GRK6: variants seen among roughly 807,000 people sequenced by gnomAD.
GRK6 encodes G protein-coupled receptor kinase 6.
Under a neutral mutation model 80.8 loss-of-function variants are expected in GRK6, and 37 were observed. That is an observed-to-expected ratio of 0.46 (90% CI 0.35 to 0.60). The LOEUF is 0.60. GRK6 is among the 20% of genes least tolerant of loss of function. The pLI, the probability that GRK6 is intolerant of heterozygous loss-of-function variation, is 0.00. For synonymous variants in GRK6, 295 were observed against 320.9 expected (o/e 0.92, Z 0.86); for missense variants, 560 against 784.6 (o/e 0.71, Z 3.42).
intron 13 of GRK6, among the ~76,000 whole-genome samples, chr5:177,438,038 G>C (rs1488877739): frequency 6.6e-6 from 1 of 152,198 alleles, no homozygotes; most frequent in East Asian, 1.9e-4. Flanking sequence ...CCGTAAGCCA[G>C]AAGGAATTCC....
chr5:177,432,404 C>T (rs1438000304), intron 4 of GRK6, 94 bp downstream of exon 4: 4 of 1,230,018 alleles, frequency 3.3e-6, no homozygotes, highest in Admixed American at 3.6e-5. Context: ...AGGGTGGTCT[C>T]TTCATACAGA....
At chr5:177,427,511 T>G (rs1018614583) in intron 1 of GRK6, among the ~76,000 whole-genome samples, 2 of 152,186 alleles carry the variant, frequency 1.3e-5, no homozygotes, top group African/African-American at 4.8e-5. Flanking sequence ...AGCATGCTGC[T>G]CTGTCAGTAT....
At chr5:177,430,686 CAGG>C in intron 1 of GRK6, 183 bp from the exon 2 acceptor site, 1 of 603,510 alleles carries the variant, frequency 1.7e-6, no homozygotes, top group Non-Finnish European at 3.0e-6. Flanking sequence ...GAGCCTGAAG[CAGG>C]AGAAGCACGT....
chr5:177,432,780 C>G lies in GRK6; in HGVS notation c.414C>G (p.Cys138Trp), dbSNP rs1464617742. The G allele has an allele frequency of 6.2e-7, 1 of 1,612,172 alleles. No individual in the cohort carries two copies. The highest frequency in any genetic ancestry group is 1.3e-5 in the African/African-American group (1 of 74,914). The stretch of plus-strand genomic sequence containing the variant: ...CCCAGCGGCTGGAGCAGGGTCCCTG[C>G]AAAGACCTTTTCCAGGAACTCACCC... ...NCTQRLEQGP[C>W]KDLFQELTRL... is the part of the protein sequence containing the mutation. The change falls in exon 5 of 16, where the codon TGC becomes TGG. Residue 138 changes from cysteine to tryptophan, a missense_variant. Cys to Trp is a radical substitution (Grantham distance 215, BLOSUM62 -2). Around this residue, in one of 3 missense-constraint regions of GRK6, gnomAD observed 189 missense variants for 230.2 expected, o/e 0.82. Coordinates refer to ENST00000355472, the MANE Select transcript of GRK6 (RefSeq NM_001004106.3).
intron 1 of GRK6, 45 bp downstream of exon 1, chr5:177,426,942 G>T: frequency 8.0e-7 from 1 of 1,255,124 alleles, no homozygotes; most frequent in South Asian, 2.2e-5. Context: ...CGTGGAGCGC[G>T]AGTGCGCTGC....
rs531213366 is a variant in GRK6 at position 177,429,552 on chromosome 5, A to C, written c.53-1320A>C. 6.6e-6 allele frequency among the ~76,000 whole-genome samples: 1 copy of C among 152,266 alleles called. No individual in the cohort carries two copies. The highest frequency in any genetic ancestry group is 6.5e-5 in the Admixed American group (1 of 15,300). On this transcript the variant is annotated intron_variant, in intron 1 of 15. Transcript: ENST00000355472. The surrounding 1 kb of genome is among the most constrained non-coding windows in gnomAD (Gnocchi z 4.3). ...AGCAATGACTGCAGGGCATGTTCGCAGGAGGCCTCTAGCAAGTTTCTCAAT... is the reference window on the plus strand; with the variant it reads ...AGCAATGACTGCAGGGCATGTTCGCCGGAGGCCTCTAGCAAGTTTCTCAAT...
In GRK6 at chr5:177,431,998, G is replaced by A. The variant is rs370990784; in HGVS notation, c.152G>A (p.Arg51His). 13 of 1,613,076 alleles carry A rather than the reference G, an allele frequency of 8.1e-6. No individual in the cohort carries two copies. In the East Asian group the frequency reaches 8.9e-5, roughly 11 times the overall value. The stretch of plus-strand genomic sequence containing the variant: ...CAGCTTCCATCACTGCCAACAGAGC[G>A]TGACTATCACAGCCTGTGCGAGCGG... Reference protein sequence around the residue: ...QCEELRLSLERDYHSLCERQP... With the variant: ...QCEELRLSLEHDYHSLCERQP... Residue 51 changes from arginine (R) to histidine (H), a missense_variant, in exon 3 of 16, where the codon CGT becomes CAT. Arg to His is a conservative substitution (Grantham distance 29). Transcript: ENST00000355472.
At chr5:177,431,470 A>C (rs1763883444) in intron 2 of GRK6, among the ~76,000 whole-genome samples, 1 of 152,224 alleles carries the variant, frequency 6.6e-6, no homozygotes, top group African/African-American at 2.4e-5. Flanking sequence ...AATCTTGGCC[A>C]AGGCCCCAGG....
At chr5:177,435,996 G>C in intron 11 of GRK6, 77 bp from the exon 12 acceptor site, 1 of 1,259,870 alleles carries the variant, frequency 7.9e-7, no homozygotes, top group South Asian at 1.3e-5. Context: ...CAGACCTAAC[G>C]TGCACTGGCG....
At position 177,434,006 on chromosome 5, in the gene GRK6, C is replaced by T; in HGVS notation, c.831C>T (p.His277=). The change falls in exon 9 of 16, where the codon CAC becomes CAT. Residue 277 remains histidine (H), a synonymous_variant. Transcript: ENST00000355472. ...NGGDLKFHIY[H]MGQAGFPEAR... ...GCGACCTCAAGTTCCACATCTACCA[C>T]ATGGGCCAGGCTGGCTTCCCCGAAG... 1.2e-6 allele frequency: 2 copies of T among 1,613,182 alleles called. No individual in the cohort carries two copies. The highest frequency in any genetic ancestry group is 1.7e-5 in the Admixed American group (1 of 59,946).
Position 177,426,842 on chromosome 5 carries a change from G to A in GRK6, c.-4G>A. On this transcript the variant is annotated 5_prime_UTR_variant, in exon 1 of 16. Transcript: ENST00000355472. ...GCCCGGCGGGCCAGGCGGCGCCACA[G>A]CCCATGGAGCTCGAGAACATCGTAG... The A allele has an allele frequency of 7.7e-7, 1 of 1,305,328 alleles. No individual in the cohort carries two copies. Among genetic ancestry groups the A allele is most frequent in the African/African-American group, 1.5e-5 (1 of 66,070 alleles). 80.9% of individuals were successfully genotyped at this position (1,305,328 alleles called of 1,614,324 possible). A position where few individuals can be genotyped will look rare whatever the true frequency, so the allele number is the denominator to read the frequency against.
Position 177,434,935 on chromosome 5 carries a change from C to A in GRK6, c.963C>A (p.Asp321Glu). ...DLKPENILLD[D>E]HGHIRISDLG... is the part of the protein sequence containing the mutation. ...AGCCCGAGAACATCTTGCTGGATGA[C>A]CACGGTGTGTAAGGGTGCCTGGGGT... The change falls in exon 10 of 16, where the codon GAC becomes GAA. Residue 321 changes from aspartate to glutamate, a missense_variant. Physicochemically the swap from Asp to Glu is conservative, Grantham distance 45 (BLOSUM62 2). This residue lies in a region of GRK6 where 294 missense variants were observed against 397.4 expected (regional missense o/e 0.74). Coordinates refer to ENST00000355472, the MANE Select transcript of GRK6 (RefSeq NM_001004106.3). 6.2e-7 allele frequency: 1 copy of A among 1,613,834 alleles called. No homozygotes were observed. Among genetic ancestry groups the A allele is most frequent in the Non-Finnish European group, 8.5e-7 (1 of 1,179,912 alleles).
rs1764520927 is a variant in GRK6, at chr5:177,441,769, A to G, written c.1710A>G (p.Glu570=). 6.2e-7 allele frequency: 1 copy of G among 1,612,510 alleles called. No individual in the cohort carries two copies. The highest frequency in any genetic ancestry group is 1.3e-5 in the African/African-American group (1 of 75,034). ...GTGGAAACTGCAGCGACAGCGAGGA[A>G]GAGCTCCCCACCCGCCTCTAGCCCC... ...DCCGNCSDSE[E]ELPTRL is the part of the protein sequence containing the mutation. The change falls in exon 16 of 16, where the codon GAA becomes GAG. Residue 570 remains glutamate, a synonymous_variant. Coordinates refer to ENST00000355472, the MANE Select transcript of GRK6 (RefSeq NM_001004106.3).
chr5:177,439,953 T>G (rs891382516), intron 13 of GRK6: 6 of 152,298 alleles, frequency 3.9e-5, no homozygotes, highest in Non-Finnish European at 8.8e-5. Flanking sequence ...GTTCCCACTT[T>G]TTGGCTGTTA....
Position 177,440,900 on chromosome 5 carries a change from G to GT in GRK6, c.1543-19_1543-18insT, listed in dbSNP as rs1198283646. 6.2e-7 allele frequency: 1 copy of GT among 1,613,876 alleles called. No homozygotes were observed. The highest frequency in any genetic ancestry group is 1.7e-5 in the Admixed American group (1 of 60,028). ...GGCTGCCCTGGGGACAGCTGTCACA[G>GT]CCGCCTGCTCCTCAGCAGATGGTGG... is the stretch of plus-strand genomic sequence containing the variant. On this transcript the variant is annotated intron_variant, in intron 14 of 15. Coordinates refer to ENST00000355472, the MANE Select transcript of GRK6 (RefSeq NM_001004106.3).
rs754801171 is a variant in GRK6 at position 177,433,905 on chromosome 5, C to T, written c.739-9C>T. 25 of 1,550,698 alleles carry T rather than the reference C, an allele frequency of 1.6e-5. No individual in the cohort carries two copies. The South Asian group carries it at 1.8e-4, about 11-fold the overall frequency. ...TCCTGCCTGAGGGCTCGGGTCCCCT[C>T]GGCCACAGGTGAGCTTGGCCTACGC... On this transcript the variant is annotated splice_polypyrimidine_tract_variant and intron_variant, in intron 8 of 15. Transcript: ENST00000355472.
At chr5:177,426,159 G>A (rs1763650735), upstream of GRK6, among the ~76,000 whole-genome samples, 1 of 152,320 alleles carries the variant, frequency 6.6e-6, no homozygotes, top group South Asian at 2.1e-4. Flanking sequence ...AGGGAATACG[G>A]CCACACAAGT....
chr5:177,431,540 C>T (rs927378453), intron 2 of GRK6, among the ~76,000 whole-genome samples: 2 of 152,228 alleles, frequency 1.3e-5, no homozygotes, highest in Admixed American at 6.5e-5. Context: ...CAGAGCACAC[C>T]CGGGCTGCTT....
At chr5:177,426,410 T>C (rs3763079), upstream of GRK6, 1 of 152,214 alleles carries the variant, frequency 6.6e-6, no homozygotes, top group East Asian at 1.9e-4. Context: ...TCGGCCCTAA[T>C]TGGCAGTTTG....
Sources: allele counts gnomAD v4.1 joint callset (sites outside exome capture counted in the v4.1 genomes callset), GRCh38; gene constraint gnomAD v4.1.1; regional missense constraint gnomAD v4.1.1; non-coding constraint Gnocchi (gnomAD v3.1); transcripts MANE v1.5; gene names NCBI Gene and HGNC (gene_info 2026-07-23, HGNC 2026-07-21).